SYN3: variants seen among roughly 807,000 people sequenced by gnomAD.
The protein encoded by SYN3 is synapsin III.
Under a neutral mutation model 65.8 loss-of-function variants are expected in SYN3, and 35 were observed. The observed-to-expected ratio is 0.53, with a 90% CI of 0.41 to 0.70. SYN3 has a LOEUF of 0.70. Ranked by LOEUF, SYN3 falls within the 30% of genes least tolerant of loss-of-function variation. The pLI, the probability that SYN3 is intolerant of heterozygous loss-of-function variation, is 0.00. For synonymous variants in SYN3, 270 were observed against 292.9 expected, an observed-to-expected ratio of 0.92 and a Z score of 0.80; for missense variants, 680 against 749.0, an observed-to-expected ratio of 0.91 and a Z score of 1.08.
rs548454015 is a variant in SYN3, at chr22:32,530,972, TAAG to T, written c.1096-1967_1096-1965del. ...GCAGTGAGCCAAGTTGCTCTATTTG[TAAG>T]AAGAGCAGAAGGGGAAACTAGGATC... On this transcript the variant is annotated intron_variant, in intron 10 of 13. Coordinates refer to ENST00000358763, the MANE Select transcript of SYN3 (RefSeq NM_003490.4). Among the ~76,000 whole-genome samples, 14 of 151,558 alleles carry T rather than the reference TAAG, an allele frequency of 9.2e-5. No homozygotes were observed. The South Asian group carries it at 1.5e-3, about 16-fold the overall frequency.
intron 7 of SYN3, among the ~76,000 whole-genome samples, chr22:32,571,933 T>C (rs951639897): frequency 1.3e-5 from 2 of 151,912 alleles, no homozygotes; most frequent in African/African-American, 4.8e-5. Context: ...GTGCTCGGTG[T>C]TGGCGCTCCA....
In SYN3 at chr22:32,541,606, G is replaced by A; in HGVS notation, c.882C>T (p.Arg294=). The change falls in exon 8 of 14, where the codon CGC becomes CGT. Residue 294 remains arginine (R), a synonymous_variant. Transcript: ENST00000358763. ...TGTAGTTGGATCCAATTTTCTGGAT[G>A]CGGATGTCGTACTTGGAGTCGATGA... ...EAFIDSKYDI[R]IQKIGSNYKA... 6 of 1,614,122 alleles carry A rather than the reference G, an allele frequency of 3.7e-6. No individual in the cohort carries two copies. The highest frequency in any genetic ancestry group is 5.1e-6 in the Non-Finnish European group (6 of 1,180,032).
chr22:32,835,992 A>G (rs2047719380), intron 6 of SYN3, among the ~76,000 whole-genome samples: 1 of 152,196 alleles, frequency 6.6e-6, no homozygotes, highest in Admixed American at 6.5e-5. Flanking sequence ...CGCATTTCCA[A>G]TGCATTTGAC....
intron 8 of SYN3, among the ~76,000 whole-genome samples, chr22:32,539,155 C>A (rs2058212546): frequency 6.6e-6 from 1 of 152,032 alleles, no homozygotes; most frequent in South Asian, 2.1e-4. Context: ...GGAATTGACA[C>A]AAAAATGTAT....
At chr22:32,640,559 C>T (rs1468449998) in intron 6 of SYN3, among the ~76,000 whole-genome samples, 3 of 152,098 alleles carry the variant, frequency 2.0e-5, no homozygotes, top group Non-Finnish European at 4.4e-5. Flanking sequence ...CAGCTCCTCA[C>T]AGTCTTCATA....
At chr22:33,002,937 G>C (rs2053102690) in intron 2 of SYN3, among the ~76,000 whole-genome samples, 1 of 152,108 alleles carries the variant, frequency 6.6e-6, no homozygotes, top group South Asian at 2.1e-4. Flanking sequence ...ATTGAACCAT[G>C]GGGGCAGTTA....
chr22:33,054,002 G>A (rs1218397081), intron 1 of SYN3, among the ~76,000 whole-genome samples: 2 of 152,178 alleles, frequency 1.3e-5, no homozygotes, highest in South Asian at 2.1e-4. Flanking sequence ...AGACTCACAG[G>A]AACGAACTGA....
At chr22:32,676,444 G>A (rs1342713496) in intron 6 of SYN3, among the ~76,000 whole-genome samples, 3 of 151,812 alleles carry the variant, frequency 2.0e-5, no homozygotes, top group Non-Finnish European at 4.4e-5. Context: ...AGGGCCCTGT[G>A]CCAGTGCAAA....
chr22:32,859,308 C>T lies in SYN3; in HGVS notation c.711+5607G>A, dbSNP rs753287182. The stretch of plus-strand genomic sequence containing the variant: ...ACTACGCCTGCATCCGGCAGAAGGG[C>T]GGCTACTGCAGCTGGTACCGAGGAT... On this transcript the variant is annotated intron_variant, in intron 6 of 13. Transcript: ENST00000358763. 8.0e-5 allele frequency: 129 copies of T among 1,613,998 alleles called. No individual in the cohort carries two copies. In the Admixed American group the frequency reaches 1.2e-3, roughly 15 times the overall value.
intron 6 of SYN3, among the ~76,000 whole-genome samples, chr22:32,667,239 A>C (rs2060301290): frequency 2.1e-5 from 3 of 144,208 alleles, no homozygotes; most frequent in Admixed American, 6.9e-5. Context: ...CTTCTTCCTC[A>C]CTCACTCACT....
intron 3 of SYN3, among the ~76,000 whole-genome samples, chr22:32,956,156 A>G (rs1231079581): frequency 8.1e-6 from 1 of 123,508 alleles, no homozygotes; most frequent in Non-Finnish European, 1.7e-5. Context: ...AGCCCCTACT[A>G]ACTTTTTTTT....
chr22:32,753,396 C>T (rs1034458305), intron 6 of SYN3, among the ~76,000 whole-genome samples: 3 of 152,100 alleles, frequency 2.0e-5, no homozygotes, highest in African/African-American at 7.2e-5. Context: ...CAGCTGCCTC[C>T]AGAAGACCCT....
chr22:32,722,945 C>T (rs182120650), intron 6 of SYN3, among the ~76,000 whole-genome samples: 1 of 152,340 alleles, frequency 6.6e-6, no homozygotes, highest in Admixed American at 6.5e-5. Context: ...CGAGCTTCTT[C>T]ATAAATAATC....
chr22:32,665,272 A>G (rs1204610170), intron 6 of SYN3, among the ~76,000 whole-genome samples: 1 of 152,120 alleles, frequency 6.6e-6, no homozygotes, highest in Non-Finnish European at 1.5e-5. Context: ...TACTAGGATT[A>G]CAGGTGTGAG....
chr22:33,053,225 C>G (rs2054200337), intron 1 of SYN3, among the ~76,000 whole-genome samples: 1 of 152,124 alleles, frequency 6.6e-6, no homozygotes, highest in Non-Finnish European at 1.5e-5. Context: ...GAGTTCGAGA[C>G]CAGCCTGACC....
At chr22:32,596,022 A>T (rs954841175) in intron 7 of SYN3, among the ~76,000 whole-genome samples, 2 of 152,148 alleles carry the variant, frequency 1.3e-5, no homozygotes, top group Non-Finnish European at 2.9e-5. Flanking sequence ...GGCTGTAGTG[A>T]GCCGAGATCA....
At chr22:33,025,250 T>C (rs1003771525) in intron 1 of SYN3, among the ~76,000 whole-genome samples, 5 of 151,454 alleles carry the variant, frequency 3.3e-5, no homozygotes, top group Non-Finnish European at 7.4e-5. Flanking sequence ...GGTCAGGAGT[T>C]CGAGACCAGC....
In SYN3 at chr22:32,532,982, G is replaced by A. The variant is rs1338424072; in HGVS notation, c.1095+811C>T. ...GAGAGCCATGGGACATGGAGTGGGG[G>A]GGCAGGGAAGAAGAGTTGGGGAGGG... On this transcript the variant is annotated intron_variant, in intron 10 of 13. Transcript: ENST00000358763. Among the ~76,000 whole-genome samples the A allele has an allele frequency of 2.6e-5, 4 of 151,976 alleles. No homozygotes were observed. In the East Asian group the frequency reaches 5.8e-4, roughly 22 times the overall value.
At chr22:32,823,673 C>T (rs1372534187) in intron 6 of SYN3, among the ~76,000 whole-genome samples, 1 of 152,154 alleles carries the variant, frequency 6.6e-6, no homozygotes, top group Non-Finnish European at 1.5e-5. Flanking sequence ...CTGGCTGAGG[C>T]AGGAAGAAGC....
Sources: gnomAD v4.1 joint callset for allele counts (sites outside exome capture counted in the v4.1 genomes callset) on GRCh38, gnomAD v4.1.1 for gene constraint, MANE v1.5 for transcripts, NCBI Gene and HGNC (gene_info 2026-07-23, HGNC 2026-07-21) for gene names.